Variants in ERCC6L2 observed in about 807,000 individuals in gnomAD.
The protein encoded by ERCC6L2 is DNA excision repair protein ERCC-6-like 2.
In ERCC6L2, 77 loss-of-function variants were observed where a neutral mutation model predicts 132.0. The observed-to-expected ratio is 0.58, with a 90% confidence interval of 0.49 to 0.71. ERCC6L2 has a LOEUF of 0.71. ERCC6L2 is among the 30% of genes least tolerant of loss of function. The probability of loss-of-function intolerance (pLI) is 0.00; values close to 1 mark genes in which losing one functional copy is unlikely to be tolerated. For missense variants in ERCC6L2, 1,542 were observed against 1,837.6 expected (o/e 0.84, Z 2.94); for synonymous variants, 583 against 632.4 (o/e 0.92, Z 1.17).
chr9:95,878,611 T>C (rs903923542), intron 1 of ERCC6L2, among the ~76,000 whole-genome samples: 1 of 151,922 alleles, frequency 6.6e-6, no homozygotes, highest in Non-Finnish European at 1.5e-5. Flanking sequence ...CCCATTAACT[T>C]GTCATTTAGC....
chr9:96,024,417 G>A (rs371019444), intron 19 of ERCC6L2, among the ~76,000 whole-genome samples: 9 of 152,356 alleles, frequency 5.9e-5, no homozygotes, highest in Admixed American at 3.9e-4. Context: ...TAGATGGGAC[G>A]TGGTGGCCCA....
At chr9:95,979,798 G>A (rs576960573) in intron 17 of ERCC6L2, among the ~76,000 whole-genome samples, 1 of 152,086 alleles carries the variant, frequency 6.6e-6, no homozygotes, top group African/African-American at 2.4e-5. Context: ...AAAGACAGGC[G>A]GAATTATGTT....
intron 7 of ERCC6L2, among the ~76,000 whole-genome samples, 198 bp from the exon 8 acceptor site, chr9:95,922,107 T>C (rs1564226635): frequency 6.6e-6 from 1 of 152,244 alleles, no homozygotes; most frequent in Non-Finnish European, 1.5e-5. Context: ...AATATAGTTG[T>C]ATTATGATTT....
intron 17 of ERCC6L2, among the ~76,000 whole-genome samples, chr9:95,987,947 C>G (rs1440051731): frequency 6.6e-6 from 1 of 152,246 alleles, no homozygotes; most frequent in South Asian, 2.1e-4. Flanking sequence ...ATAGGCTCAA[C>G]ACCACGTGGA....
At chr9:95,910,044 C>G (rs75582428) in intron 4 of ERCC6L2, among the ~76,000 whole-genome samples, 5 of 152,154 alleles carry the variant, frequency 3.3e-5, no homozygotes, top group African/African-American at 7.2e-5. Context: ...AAACAATGTT[C>G]TATAGTTATT....
At chr9:95,991,082 T>C (rs991959701) in intron 17 of ERCC6L2, among the ~76,000 whole-genome samples, 5 of 151,848 alleles carry the variant, frequency 3.3e-5, no homozygotes, top group African/African-American at 1.2e-4. Flanking sequence ...TGCTTGCCGC[T>C]CAGCTGCTTG....
intron 1 of ERCC6L2, among the ~76,000 whole-genome samples, chr9:95,877,339 C>G (rs1241110590): frequency 6.9e-6 from 1 of 144,200 alleles, no homozygotes; most frequent in Non-Finnish European, 1.5e-5. Flanking sequence ...TCCCTTAAGG[C>G]TTTTTTTTTT....
At chr9:95,970,499 C>T in intron 14 of ERCC6L2, 77 bp from the exon 15 acceptor site, 2 of 746,196 alleles carry the variant, frequency 2.7e-6, no homozygotes, top group Non-Finnish European at 3.8e-6. Context: ...GAATAGCATG[C>T]ATTGCTGTTG....
intron 18 of ERCC6L2, among the ~76,000 whole-genome samples, chr9:96,006,983 A>G (rs1262150550): frequency 1.3e-5 from 2 of 152,202 alleles, no homozygotes; most frequent in Non-Finnish European, 1.5e-5. Context: ...GCTCTGTTGC[A>G]GAAACAAGTA....
intron 18 of ERCC6L2, among the ~76,000 whole-genome samples, chr9:96,011,939 A>T (rs1312569417): frequency 2.0e-5 from 3 of 152,256 alleles, no homozygotes; most frequent in African/African-American, 7.2e-5. Context: ...GAGGAGTAGC[A>T]TGCTGGGCCT....
downstream of ERCC6L2, among the ~76,000 whole-genome samples, chr9:96,019,434 C>T (rs145261997): frequency 2.7e-4 from 41 of 152,340 alleles, 1 homozygote; most frequent in East Asian, 7.9e-3. Flanking sequence ...TCTCTTCCCA[C>T]TGCCAGTACC....
chr9:96,003,616 GGGTGCTATAGACTATAGCACCCACAT>G (rs1211428408), intron 17 of ERCC6L2, among the ~76,000 whole-genome samples: 3 of 152,086 alleles, frequency 2.0e-5, no homozygotes, highest in South Asian at 2.1e-4. Context: ...ATTTCCACAT[GGGTGCTATAGACTATAGCACCCACAT>G]GGTGCTATAT....
chr9:95,943,904 G>A (rs1830926484), intron 12 of ERCC6L2, among the ~76,000 whole-genome samples: 1 of 152,188 alleles, frequency 6.6e-6, no homozygotes, highest in African/African-American at 2.4e-5. Flanking sequence ...CAGAACCCTT[G>A]TGCATTGTTG....
intron 1 of ERCC6L2, among the ~76,000 whole-genome samples, chr9:95,877,937 C>T (rs1194963449): frequency 6.6e-6 from 1 of 152,094 alleles, no homozygotes; most frequent in African/African-American, 2.4e-5. Flanking sequence ...AAATTACTCT[C>T]TACTGGAAGG....
chr9:95,947,651 G>T (rs1831125819), intron 12 of ERCC6L2, among the ~76,000 whole-genome samples: 2 of 152,172 alleles, frequency 1.3e-5, no homozygotes, highest in Admixed American at 1.3e-4. Flanking sequence ...TTAATACCTG[G>T]CTTCAAAAGA....
chr9:95,975,097 C>T (rs551323646), intron 16 of ERCC6L2, among the ~76,000 whole-genome samples: 2 of 152,252 alleles, frequency 1.3e-5, no homozygotes, highest in South Asian at 2.1e-4. Flanking sequence ...TGCCTCTACT[C>T]TCCCTTTTCT....
intron 17 of ERCC6L2, among the ~76,000 whole-genome samples, chr9:95,990,956 GA>G (rs1192347905): frequency 3.9e-5 from 6 of 152,158 alleles, no homozygotes. Flanking sequence ...CTGGAAAGGG[GA>G]TGGGAAGGTG....
chr9:96,018,454 C>A (rs1417345678), downstream of ERCC6L2, among the ~76,000 whole-genome samples: 1 of 148,238 alleles, frequency 6.7e-6, no homozygotes, highest in Non-Finnish European at 1.5e-5. Flanking sequence ...AAAATTCACA[C>A]ATAGCATTGT....
At chr9:95,991,950 A>T (rs2133160969) in intron 17 of ERCC6L2, among the ~76,000 whole-genome samples, 1 of 152,332 alleles carries the variant, frequency 6.6e-6, no homozygotes, top group South Asian at 2.1e-4. Flanking sequence ...TGTCAAAGAA[A>T]ATCCATAATT....
Sources: gnomAD v4.1 joint callset for allele counts (sites outside exome capture counted in the v4.1 genomes callset) on GRCh38, gnomAD v4.1.1 for gene constraint, MANE v1.5 for transcripts, NCBI Gene and HGNC (gene_info 2026-07-23, HGNC 2026-07-21) for gene names.